Variants in CCDC38 observed in about 807,000 individuals in gnomAD.
The protein encoded by CCDC38 is coiled-coil domain containing 38, also known as coiled-coil domain-containing protein 38.
A neutral mutation model predicts 72.8 loss-of-function variants in CCDC38; 69 were observed. The ratio of observed to expected loss-of-function variants is 0.95; its 90% CI spans 0.78 to 1.16. The LOEUF is 1.16. CCDC38 is among the 50% of genes most tolerant of loss of function. The probability of loss-of-function intolerance (pLI) is 0.00; values close to 1 mark genes in which losing one functional copy is unlikely to be tolerated. For synonymous variants in CCDC38, 201 were observed against 213.2 expected (o/e 0.94, Z 0.50); for missense variants, 626 against 638.9 (o/e 0.98, Z 0.22).
At chr12:95,919,602 AG>A in intron 2 of CCDC38, 4 of 456,108 alleles carry the variant, frequency 8.8e-6, no homozygotes, top group South Asian at 6.2e-5. Context: ...TGTTTCCCAC[AG>A]CACCGACATA....
chr12:95,887,561 A>G (rs1487246186), intron 10 of CCDC38, among the ~76,000 whole-genome samples: 2 of 152,240 alleles, frequency 1.3e-5, no homozygotes, highest in Admixed American at 1.3e-4. Context: ...ACACAATCAT[A>G]GAAATGCAGA....
intron 4 of CCDC38, among the ~76,000 whole-genome samples, chr12:95,915,410 A>T (rs1479782044): frequency 6.6e-6 from 1 of 152,212 alleles, no homozygotes; most frequent in African/African-American, 2.4e-5. Flanking sequence ...AACCAGAGTC[A>T]GGCTGCTCGC....
At position 95,878,254 on chromosome 12, in the gene CCDC38, T is replaced by TA; in HGVS notation, c.1234_1235insT (p.Lys412IlefsTer6). On this transcript the variant is annotated frameshift_variant, in exon 13 of 16. Coordinates refer to ENST00000344280, the MANE Select transcript of CCDC38 (RefSeq NM_182496.3). LOFTEE classifies it high-confidence loss of function. ...TTCTCCAAAGCTAAAGAGCTTGGAC[T>TA]TTAATTGCAATTCTGCTGCTTTCTC... The TA allele has an allele frequency of 6.2e-7, 1 of 1,613,676 alleles. No individual in the cohort carries two copies. The highest frequency in any genetic ancestry group is 8.5e-7 in the Non-Finnish European group (1 of 1,179,842).
chr12:95,927,270 T>C (rs893177650), intron 2 of CCDC38, among the ~76,000 whole-genome samples: 1 of 152,074 alleles, frequency 6.6e-6, no homozygotes, highest in African/African-American at 2.4e-5. Context: ...CTCTTCTTGT[T>C]GAATTGATCC....
chr12:95,904,345 GCT>G (rs778621354), intron 5 of CCDC38, among the ~76,000 whole-genome samples: 131 of 152,330 alleles, frequency 8.6e-4, no homozygotes, highest in African/African-American at 2.4e-3. Flanking sequence ...CCCCAAGACT[GCT>G]CTCACTTCTG....
At chr12:95,916,010 C>CT (rs2136716469) in intron 4 of CCDC38, among the ~76,000 whole-genome samples, 1 of 152,288 alleles carries the variant, frequency 6.6e-6, no homozygotes, top group South Asian at 2.1e-4. Flanking sequence ...GTATTTTAAA[C>CT]CAGCCACTTG....
intron 8 of CCDC38, among the ~76,000 whole-genome samples, chr12:95,892,216 A>G (rs1218840501): frequency 6.7e-6 from 1 of 148,742 alleles, no homozygotes; most frequent in African/African-American, 2.5e-5. Context: ...GGTTACCCCA[A>G]TGTTAGTTGA....
At position 95,872,345 on chromosome 12, in the gene CCDC38, C is replaced by T. The variant is rs777275253; in HGVS notation, c.1394G>A (p.Arg465His). 4.3e-5 allele frequency: 69 copies of T among 1,614,140 alleles called. 1 individual carries two copies. In the Middle Eastern group the frequency reaches 4.9e-4, roughly 12 times the overall value. The stretch of plus-strand genomic sequence containing the variant: ...GATGAGGTCACACAGTTCTACCAGG[C>T]GAGATTCTACTTTTACCAGCTTTTG... ...PIQKLVKVES[R>H]LVELCDLIES... The change falls in exon 14 of 16, where the codon CGC becomes CAC. Residue 465 changes from arginine (R) to histidine (H), a missense_variant. Physicochemically the swap from Arg to His is conservative, Grantham distance 29. Coordinates refer to ENST00000344280, the MANE Select transcript of CCDC38 (RefSeq NM_182496.3).
chr12:95,874,586 G>C (rs1014672585), intron 13 of CCDC38, among the ~76,000 whole-genome samples: 4 of 152,220 alleles, frequency 2.6e-5, no homozygotes, highest in East Asian at 1.9e-4. Flanking sequence ...GGAGCACAAG[G>C]CACAGGCCAA....
At chr12:95,928,523 C>T (rs1206073142) in intron 2 of CCDC38, among the ~76,000 whole-genome samples, 1 of 152,194 alleles carries the variant, frequency 6.6e-6, no homozygotes, top group African/African-American at 2.4e-5. Context: ...TCATCTGAAG[C>T]CTTCTTCTCT....
chr12:95,909,316 C>T (rs1035220957), intron 4 of CCDC38, among the ~76,000 whole-genome samples: 17 of 151,996 alleles, frequency 1.1e-4, no homozygotes, highest in African/African-American at 4.1e-4. Flanking sequence ...TAGATAAATT[C>T]CTGGAAACAC....
At chr12:95,874,344 A>C (rs1172154517) in intron 13 of CCDC38, among the ~76,000 whole-genome samples, 1 of 152,224 alleles carries the variant, frequency 6.6e-6, no homozygotes, top group Non-Finnish European at 1.5e-5. Context: ...AGATGGCTTT[A>C]GAGATGGATG....
chr12:95,874,378 T>A (rs891659876), intron 13 of CCDC38, among the ~76,000 whole-genome samples: 3 of 152,324 alleles, frequency 2.0e-5, no homozygotes, highest in African/African-American at 7.2e-5. Context: ...CTTTTTACGA[T>A]GTCTTTTCTA....
intron 5 of CCDC38, among the ~76,000 whole-genome samples, chr12:95,904,077 A>C (rs1162673815): frequency 6.6e-6 from 1 of 151,854 alleles, no homozygotes; most frequent in Non-Finnish European, 1.5e-5. Flanking sequence ...GCTACCATTT[A>C]TTTCTTTCTT....
chr12:95,927,538 A>G (rs1391285982), intron 2 of CCDC38, among the ~76,000 whole-genome samples: 5 of 151,858 alleles, frequency 3.3e-5, no homozygotes, highest in East Asian at 1.9e-4. Context: ...GTCCACTTAC[A>G]TTTGAGGTTG....
chr12:95,869,612 T>G (rs748959428), intron 14 of CCDC38, 39 bp from the exon 15 acceptor site: 2 of 1,441,850 alleles, frequency 1.4e-6, no homozygotes, highest in South Asian at 2.3e-5. Flanking sequence ...TAACTATAAA[T>G]CACATTGAGT....
intron 4 of CCDC38, 43 bp downstream of exon 4, chr12:95,917,086 T>C: frequency 6.7e-7 from 1 of 1,502,346 alleles, no homozygotes; most frequent in Non-Finnish European, 8.9e-7. Context: ...ACATTAATAG[T>C]AAATATTCAA....
chr12:95,868,515 G>GT (rs1565938976), intron 15 of CCDC38, among the ~76,000 whole-genome samples: 4 of 151,928 alleles, frequency 2.6e-5, no homozygotes, highest in African/African-American at 4.8e-5. Context: ...TGAAGTAATC[G>GT]TTTTTTTGTC....
chr12:95,903,841 C>G (rs2079974798), intron 5 of CCDC38: 2 of 173,068 alleles, frequency 1.2e-5, no homozygotes, highest in Non-Finnish European at 2.4e-5. Flanking sequence ...TGGTCTTTAG[C>G]TTTCTTGTCT....
Sources: gnomAD v4.1 joint callset for allele counts (sites outside exome capture counted in the v4.1 genomes callset) on GRCh38, gnomAD v4.1.1 for gene constraint, MANE v1.5 for transcripts, NCBI Gene and HGNC (gene_info 2026-07-23, HGNC 2026-07-21) for gene names.